The following CACNA2D3 variants were observed in gnomAD, a reference collection of about 807,000 sequenced individuals.
The protein encoded by CACNA2D3 is calcium voltage-gated channel auxiliary subunit alpha2delta 3.
Under a neutral mutation model 160.6 loss-of-function variants are expected in CACNA2D3, and 60 were observed. That is an observed-to-expected ratio of 0.37 (90% CI 0.30 to 0.46). The LOEUF (loss-of-function observed/expected upper bound fraction) is 0.46, where lower values mean the gene tolerates loss of function less well. CACNA2D3 is among the 20% of genes least tolerant of loss of function. The pLI, the probability that CACNA2D3 is intolerant of heterozygous loss-of-function variation, is 1.00. For synonymous variants in CACNA2D3, 558 were observed against 492.9 expected, an observed-to-expected ratio of 1.13 and a Z score of -1.75; for missense variants, 1,205 against 1,365.0, an observed-to-expected ratio of 0.88 and a Z score of 1.85.
chr3:54,878,290 G>A (rs989974640), intron 18 of CACNA2D3, among the ~76,000 whole-genome samples: 5 of 152,064 alleles, frequency 3.3e-5, no homozygotes, highest in African/African-American at 9.7e-5. Flanking sequence ...CTTCTCTGTC[G>A]TCTTGCCTTG....
At chr3:54,205,736 G>A (rs1701264884) in intron 2 of CACNA2D3, among the ~76,000 whole-genome samples, 1 of 152,166 alleles carries the variant, frequency 6.6e-6, no homozygotes, top group African/African-American at 2.4e-5. Flanking sequence ...CTCTGGGGCT[G>A]GAATGGGGTG....
chr3:54,441,480 G>T (rs555654458), intron 4 of CACNA2D3, among the ~76,000 whole-genome samples: 1 of 152,074 alleles, frequency 6.6e-6, no homozygotes. Context: ...TGCAGAAGCT[G>T]TTTAGTTTAA....
intron 12 of CACNA2D3, among the ~76,000 whole-genome samples, chr3:54,753,838 A>G (rs1461003626): frequency 1.3e-5 from 2 of 152,230 alleles, no homozygotes; most frequent in East Asian, 1.9e-4. Context: ...GGTAATTAAC[A>G]TATGTATTGC....
intron 11 of CACNA2D3, among the ~76,000 whole-genome samples, chr3:54,736,022 TACATATATATATGTA>T (rs1479833642): frequency 0.066 from 5,376 of 81,154 alleles, 175 homozygotes; most frequent in Non-Finnish European, 0.076. Context: ...TATATACACA[TACATATATATATGTA>T]TATATATACA....
At chr3:54,191,796 C>A (rs1488227867) in intron 2 of CACNA2D3, among the ~76,000 whole-genome samples, 3 of 152,136 alleles carry the variant, frequency 2.0e-5, no homozygotes, top group Admixed American at 2.0e-4. Flanking sequence ...AGGAGCCCTA[C>A]CTGCGCAGGG....
At chr3:54,123,817 T>G (rs1347861151) in intron 2 of CACNA2D3, among the ~76,000 whole-genome samples, 6 of 152,310 alleles carry the variant, frequency 3.9e-5, no homozygotes, top group Admixed American at 3.9e-4. Context: ...GGATACTCAC[T>G]CGCACTGTCC....
chr3:54,990,981 CATATGACCTAGTA>C (rs1702727789), intron 31 of CACNA2D3, among the ~76,000 whole-genome samples: 1 of 152,192 alleles, frequency 6.6e-6, no homozygotes, highest in Admixed American at 6.5e-5. Flanking sequence ...AGCCAGCTTA[CATATGACCTAGTA>C]TCCAGGATCC....
intron 2 of CACNA2D3, among the ~76,000 whole-genome samples, chr3:54,254,663 C>T (rs992015010): frequency 8.5e-5 from 13 of 152,114 alleles, no homozygotes; most frequent in South Asian, 4.1e-4. Flanking sequence ...ACATAGCATG[C>T]CATAAGTGCT....
rs1397402216 is a variant in CACNA2D3, at chr3:54,917,601, A to G, written c.2449+17733A>G. Among the ~76,000 whole-genome samples, 6 of 152,262 alleles carry G rather than the reference A, an allele frequency of 3.9e-5. No homozygotes were observed. The East Asian group carries it at 1.2e-3, about 29-fold the overall frequency. Reference sequence around the variant, plus strand: ...GTGCGCTATGTATGCAGATACAGATACACAAAAGTCATTATCTCGCTCTCA... The same window carrying G: ...GTGCGCTATGTATGCAGATACAGATGCACAAAAGTCATTATCTCGCTCTCA... On this transcript the variant is annotated intron_variant, in intron 27 of 37. Coordinates refer to ENST00000474759, the MANE Select transcript of CACNA2D3 (RefSeq NM_018398.3).
At chr3:54,381,073 T>A (rs1237159575) in intron 3 of CACNA2D3, among the ~76,000 whole-genome samples, 2 of 152,246 alleles carry the variant, frequency 1.3e-5, no homozygotes, top group Non-Finnish European at 2.9e-5. Flanking sequence ...GGTATGAGTA[T>A]TAAATGTGTT....
At chr3:54,635,186 C>T (rs184822176) in intron 10 of CACNA2D3, among the ~76,000 whole-genome samples, 65 of 151,810 alleles carry the variant, frequency 4.3e-4, no homozygotes, top group East Asian at 1.4e-3. Flanking sequence ...GGCCTGGATA[C>T]GGTTTTGTAT....
intron 4 of CACNA2D3, among the ~76,000 whole-genome samples, chr3:54,408,889 A>C (rs1699619599): frequency 6.6e-6 from 1 of 152,214 alleles, no homozygotes; most frequent in Non-Finnish European, 1.5e-5. Context: ...GGACTCCCAC[A>C]AACTGAGAGG....
chr3:54,850,333 G>A (rs1559604247), intron 17 of CACNA2D3, among the ~76,000 whole-genome samples: 1 of 152,208 alleles, frequency 6.6e-6, no homozygotes, highest in Non-Finnish European at 1.5e-5. Context: ...ACAGCACGTA[G>A]CAAGAGTGAT....
chr3:54,648,454 C>G (rs560873543), intron 11 of CACNA2D3, among the ~76,000 whole-genome samples: 72 of 152,312 alleles, frequency 4.7e-4, no homozygotes, highest in Non-Finnish European at 9.6e-4. Flanking sequence ...GGTTTCCCAC[C>G]ACTAATCTAA....
At chr3:54,826,943 G>A (rs1703762077) in intron 14 of CACNA2D3, among the ~76,000 whole-genome samples, 1 of 152,208 alleles carries the variant, frequency 6.6e-6, no homozygotes, top group African/African-American at 2.4e-5. Context: ...GCACTTGTCA[G>A]ATGTCCCAGG....
chr3:54,202,807 G>A (rs1482294505), intron 2 of CACNA2D3, among the ~76,000 whole-genome samples: 1 of 152,188 alleles, frequency 6.6e-6, no homozygotes, highest in Non-Finnish European at 1.5e-5. Context: ...GTTATTAATA[G>A]TTATTAATTG....
At chr3:54,462,106 T>C (rs369468837) in intron 4 of CACNA2D3, among the ~76,000 whole-genome samples, 2,584 of 151,552 alleles carry the variant, frequency 0.017, 60 homozygotes, top group East Asian at 0.094. Context: ...TTTCTTAATC[T>C]TGAGTTCTAG....
At chr3:54,890,101 T>A (rs1700021760) in intron 24 of CACNA2D3, among the ~76,000 whole-genome samples, 1 of 152,208 alleles carries the variant, frequency 6.6e-6, no homozygotes, top group Non-Finnish European at 1.5e-5. Flanking sequence ...ACTTTGAAGA[T>A]AACGTGGAGA....
At chr3:54,327,117 A>G (rs1209161016) in intron 3 of CACNA2D3, among the ~76,000 whole-genome samples, 1 of 152,192 alleles carries the variant, frequency 6.6e-6, no homozygotes, top group Non-Finnish European at 1.5e-5. Flanking sequence ...AACCACATGG[A>G]ACTGCGTGGT....
Sources: allele counts gnomAD v4.1 joint callset (sites outside exome capture counted in the v4.1 genomes callset), GRCh38; gene constraint gnomAD v4.1.1; transcripts MANE v1.5; gene names NCBI Gene and HGNC (gene_info 2026-07-23, HGNC 2026-07-21).